HTR4: variants seen among roughly 807,000 people sequenced by gnomAD.
HTR4 encodes the protein 5-hydroxytryptamine receptor 4.
In HTR4, 16 loss-of-function variants were observed where a neutral mutation model predicts 36.8. The observed-to-expected ratio is 0.43, with a 90% CI of 0.29 to 0.66. The LOEUF (loss-of-function observed/expected upper bound fraction) is 0.66. Ranked by LOEUF, HTR4 falls within the 30% of genes least tolerant of loss-of-function variation. The pLI is 0.13. For missense variants in HTR4, 438 were observed against 490.9 expected (o/e 0.89, Z 1.02); for synonymous variants, 189 against 185.1 (o/e 1.02, Z -0.17).
In HTR4 at chr5:148,552,350, A is replaced by G. The variant is rs115087877; in HGVS notation, c.27-2088T>C. On this transcript the variant is annotated intron_variant, in intron 2 of 6. Transcript: ENST00000377888. ...CAACAGTACAAATATCAGATAGGGA[A>G]GATTTAATTCAATGAGGAAAACTGT... 5.3e-4 allele frequency among the ~76,000 whole-genome samples: 81 copies of G among 152,364 alleles called. 1 individual carries two copies. The highest frequency in any genetic ancestry group is 9.3e-4 in the Non-Finnish European group (63 of 68,038).
chr5:148,468,635 T>A (rs879286520), intron 5 of HTR4, among the ~76,000 whole-genome samples: 1 of 152,196 alleles, frequency 6.6e-6, no homozygotes, highest in Non-Finnish European at 1.5e-5. Flanking sequence ...GCAGATGTCA[T>A]TTGCTTATCC....
chr5:148,522,394 C>T (rs1758064628), intron 5 of HTR4, among the ~76,000 whole-genome samples: 1 of 152,190 alleles, frequency 6.6e-6, no homozygotes, highest in African/African-American at 2.4e-5. Context: ...GTTCGCTTAT[C>T]TACAAGCTGT....
intron 2 of HTR4, among the ~76,000 whole-genome samples, chr5:148,591,617 C>A (rs879712550): frequency 1.3e-5 from 2 of 151,684 alleles, no homozygotes; most frequent in Admixed American, 6.6e-5. Context: ...TTGCCTTTAT[C>A]GCCTCATTAA....
At chr5:148,513,296 T>TTTTTTTTTTTTTTGAG (rs1757582719) in intron 5 of HTR4, among the ~76,000 whole-genome samples, 1 of 152,224 alleles carries the variant, frequency 6.6e-6, no homozygotes. Flanking sequence ...GACCAGTTTT[T>TTTTTTTTTTTTTTGAG]ACATTTAATG....
chr5:148,544,871 C>T (rs889790489), intron 4 of HTR4, among the ~76,000 whole-genome samples: 17 of 152,196 alleles, frequency 1.1e-4, no homozygotes, highest in Non-Finnish European at 2.2e-4. Context: ...AGCCCTCTTG[C>T]TCAAAGGAAC....
At chr5:148,588,468 C>A (rs1176673250) in intron 2 of HTR4, among the ~76,000 whole-genome samples, 1 of 151,814 alleles carries the variant, frequency 6.6e-6, no homozygotes, top group Non-Finnish European at 1.5e-5. Flanking sequence ...TGCTCCCTCT[C>A]CCCAGAAGTT....
At chr5:148,645,163 G>T (rs899205781) in intron 1 of HTR4, 4 of 152,170 alleles carry the variant, frequency 2.6e-5, no homozygotes, top group African/African-American at 9.7e-5. Context: ...AATTCAAATG[G>T]CTGAAGTTTG....
chr5:148,561,064 T>C (rs1403841007), intron 2 of HTR4, among the ~76,000 whole-genome samples: 1 of 152,188 alleles, frequency 6.6e-6, no homozygotes, highest in Non-Finnish European at 1.5e-5. Flanking sequence ...TTTGATTTTT[T>C]TTGAAAACCC....
intron 6 of HTR4, among the ~76,000 whole-genome samples, chr5:148,488,005 G>GT (rs1007928710): frequency 6.6e-5 from 10 of 152,290 alleles, no homozygotes; most frequent in African/African-American, 1.9e-4. Context: ...ACAGAGCAAT[G>GT]TTTTTTTAGG....
intron 1 of HTR4, among the ~76,000 whole-genome samples, chr5:148,643,127 T>C (rs1753777920): frequency 6.6e-6 from 1 of 152,208 alleles, no homozygotes; most frequent in Non-Finnish European, 1.5e-5. Flanking sequence ...TCCATTATAA[T>C]TGAAATACAC....
chr5:148,604,348 A>G (rs1446912869), intron 2 of HTR4, among the ~76,000 whole-genome samples: 1 of 152,138 alleles, frequency 6.6e-6, no homozygotes, highest in Non-Finnish European at 1.5e-5. Flanking sequence ...TGAACAAAAG[A>G]CTTGAACAAA....
intron 2 of HTR4, among the ~76,000 whole-genome samples, chr5:148,604,387 C>T (rs1420386727): frequency 6.6e-6 from 1 of 151,890 alleles, no homozygotes; most frequent in Non-Finnish European, 1.5e-5. Flanking sequence ...ATATCAATAC[C>T]AGCATTTGCC....
intron 5 of HTR4, among the ~76,000 whole-genome samples, chr5:148,452,811 GA>G (rs904379427): frequency 7.9e-5 from 12 of 152,186 alleles, no homozygotes; most frequent in African/African-American, 2.9e-4. Flanking sequence ...AATAAAATGG[GA>G]AAAGAGATAG....
At chr5:148,486,656 G>A (rs1390332155) in intron 6 of HTR4, among the ~76,000 whole-genome samples, 3 of 152,220 alleles carry the variant, frequency 2.0e-5, no homozygotes, top group East Asian at 1.9e-4. Flanking sequence ...CTGTGTGTGG[G>A]ACTGTTCTCC....
chr5:148,505,173 C>CA (rs1409624836), intron 6 of HTR4, among the ~76,000 whole-genome samples: 1 of 152,172 alleles, frequency 6.6e-6, no homozygotes. Flanking sequence ...GCTTATCCAC[C>CA]ATAATCAAGT....
chr5:148,457,403 C>T (rs923581774), intron 5 of HTR4, among the ~76,000 whole-genome samples: 59 of 151,754 alleles, frequency 3.9e-4, no homozygotes, highest in Non-Finnish European at 7.5e-4. Flanking sequence ...TTGGTAATTA[C>T]CTGAGTCTAC....
chr5:148,509,426 C>A (rs1475807205), intron 6 of HTR4, 30 bp downstream of exon 6: 1 of 1,517,280 alleles, frequency 6.6e-7, no homozygotes, highest in Non-Finnish European at 8.9e-7. Flanking sequence ...ACAAATCAAC[C>A]AAATCAATGA....
chr5:148,498,961 G>A (rs148625337), intron 6 of HTR4, among the ~76,000 whole-genome samples: 410 of 152,218 alleles, frequency 2.7e-3, no homozygotes, highest in Non-Finnish European at 4.7e-3. Flanking sequence ...GAACAAAATG[G>A]TAGAGTTGAT....
intron 4 of HTR4, among the ~76,000 whole-genome samples, chr5:148,536,938 C>A (rs920078741): frequency 1.1e-4 from 17 of 152,202 alleles, no homozygotes; most frequent in African/African-American, 3.6e-4. Flanking sequence ...AATATACATT[C>A]TTCTCATCAC....
Sources: allele counts gnomAD v4.1 joint callset (sites outside exome capture counted in the v4.1 genomes callset), GRCh38; gene constraint gnomAD v4.1.1; transcripts MANE v1.5; gene names NCBI Gene and HGNC (gene_info 2026-07-23, HGNC 2026-07-21).